AKAP13: variants seen among roughly 807,000 people sequenced by gnomAD.
The protein encoded by AKAP13 is A-kinase anchor protein 13.
A neutral mutation model predicts 264.5 loss-of-function variants in AKAP13; 80 were observed. The observed-to-expected ratio is 0.30, with a 90% confidence interval of 0.25 to 0.36. The LOEUF is 0.36. AKAP13 is among the 10% of genes least tolerant of loss of function. The probability of loss-of-function intolerance (pLI) is 1.00; values close to 1 mark genes in which losing one functional copy is unlikely to be tolerated. For missense variants in AKAP13, 3,712 were observed against 3,435.2 expected (o/e 1.08, Z -2.01); for synonymous variants, 1,380 against 1,250.2 (o/e 1.10, Z -2.19).
chr15:85,722,844 A>G (rs1308559717), intron 25 of AKAP13, among the ~76,000 whole-genome samples: 7 of 152,144 alleles, frequency 4.6e-5, no homozygotes, highest in African/African-American at 1.7e-4. Flanking sequence ...ATTTCAGAGC[A>G]CAACATATGA....
intron 5 of AKAP13, among the ~76,000 whole-genome samples, chr15:85,562,419 G>A (rs2078413907): frequency 6.6e-6 from 1 of 151,214 alleles, no homozygotes; most frequent in African/African-American, 2.4e-5. Context: ...ACAAAAATTA[G>A]CTGGGCGTGG....
intron 30 of AKAP13, 152 bp downstream of exon 30, chr15:85,730,859 A>C (rs952386035): frequency 8.2e-6 from 6 of 735,038 alleles, no homozygotes; most frequent in Non-Finnish European, 1.3e-5. Context: ...TATCAGGTGA[A>C]TATCCTTTTA....
At chr15:85,436,851 C>T (rs1482969316) in intron 1 of AKAP13, among the ~76,000 whole-genome samples, 1 of 151,718 alleles carries the variant, frequency 6.6e-6, no homozygotes, top group African/African-American at 2.4e-5. Context: ...ACTAAATGCC[C>T]ACAAGAGAAA....
intron 1 of AKAP13, among the ~76,000 whole-genome samples, chr15:85,413,502 GA>G (rs2072084152): frequency 1.3e-5 from 2 of 152,310 alleles, no homozygotes; most frequent in South Asian, 4.1e-4. Flanking sequence ...AGGAAGTGGG[GA>G]TGGAGTTGAA....
At chr15:85,592,105 C>T (rs2079608838) in intron 8 of AKAP13, among the ~76,000 whole-genome samples, 1 of 108,858 alleles carries the variant, frequency 9.2e-6, no homozygotes, top group Admixed American at 1.1e-4. Context: ...AACTGAATTT[C>T]CATTCTTAGT....
intron 8 of AKAP13, among the ~76,000 whole-genome samples, chr15:85,636,005 A>G (rs543373626): frequency 8.0e-4 from 122 of 152,268 alleles, no homozygotes; most frequent in African/African-American, 2.9e-3. Context: ...GTAGTGATCA[A>G]TTTGAGGACA....
intron 24 of AKAP13, 35 bp from the exon 25 acceptor site, chr15:85,722,195 A>T (rs1319491932): frequency 6.2e-7 from 1 of 1,608,988 alleles, no homozygotes; most frequent in Admixed American, 1.7e-5. Context: ...AGCCTTTTTC[A>T]TGTGATTCCT....
chr15:85,566,855 C>G (rs2078624309), intron 5 of AKAP13, among the ~76,000 whole-genome samples: 5 of 151,752 alleles, frequency 3.3e-5, no homozygotes, highest in African/African-American at 4.8e-5. Context: ...GTCTCAATCT[C>G]CTGACCTCGT....
rs2087667538 is a variant in AKAP13, at chr15:85,727,180, G to T, written c.6937G>T (p.Val2313Phe). Residue 2313 changes from valine to phenylalanine, a missense_variant, in exon 28 of 37, where the codon GTC becomes TTC. This residue lies in a region of AKAP13 where 342 missense variants were observed against 484.3 expected (regional missense o/e 0.71). Transcript: ENST00000394518. The surrounding 1 kb of genome is among the most constrained non-coding windows in gnomAD (Gnocchi z 5.3). ...GATGACAGATCCAGAGATGGTAGAA[G>T]TCCATGCCAGCTCCAAAGAGGAACG... The part of the protein sequence containing the change: ...MGMTDPEMVE[V>F]HASSKEERNS... 6 of 1,614,068 alleles carry T rather than the reference G, an allele frequency of 3.7e-6. No homozygotes were observed. Among genetic ancestry groups the T allele is most frequent in the Non-Finnish European group, 5.1e-6 (6 of 1,180,040 alleles).
chr15:85,399,533 A>T (rs2071315784), intron 1 of AKAP13, among the ~76,000 whole-genome samples: 2 of 83,456 alleles, frequency 2.4e-5, no homozygotes, highest in African/African-American at 7.2e-5. Context: ...TAAAAAAATA[A>T]AAAAATAAAT....
At chr15:85,665,229 C>G (rs942874668) in intron 13 of AKAP13, among the ~76,000 whole-genome samples, 3 of 152,052 alleles carry the variant, frequency 2.0e-5, no homozygotes, top group Non-Finnish European at 1.5e-5. Context: ...AAAATAAAGA[C>G]TACGTTAATC....
At position 85,538,721 on chromosome 15, in the gene AKAP13, C is replaced by T. The variant is rs1428146967; in HGVS notation, c.478+4841C>T. Among the ~76,000 whole-genome samples, 15 of 147,572 alleles carry T rather than the reference C, an allele frequency of 1.0e-4. No homozygotes were observed. The East Asian group carries it at 1.0e-3, about 10-fold the overall frequency. On this transcript the variant is annotated intron_variant, in intron 4 of 36. Transcript: ENST00000394518. ...AGCCAGGATGGTCTCGATCTCCTGA[C>T]CTCGTGATCCTCCCGCCTCGGCCTC...
At position 85,747,386 on chromosome 15, in the gene AKAP13, GGTT is replaced by G. The variant is rs1158762633; in HGVS notation, c.*2713_*2715del. 2.0e-5 allele frequency: 3 copies of G among 152,232 alleles called. No homozygotes were observed. Among genetic ancestry groups the G allele is most frequent in the Non-Finnish European group, 4.4e-5 (3 of 68,034 alleles). 9.4% of individuals were successfully genotyped at this position (152,232 alleles called of 1,614,324 possible). The stretch of plus-strand genomic sequence containing the variant: ...TCTTGGTTTCTATCACATGAGAAGG[GGTT>G]GTTTTTTTGGGGTGACTCGGACTGA... On this transcript the variant is annotated 3_prime_UTR_variant, in exon 37 of 37. Transcript: ENST00000394518.
intron 1 of AKAP13, among the ~76,000 whole-genome samples, chr15:85,485,084 A>G (rs769467279): frequency 6.6e-6 from 1 of 152,212 alleles, no homozygotes; most frequent in Non-Finnish European, 1.5e-5. Context: ...AGAACATGCT[A>G]TTCTTAATGT....
chr15:85,623,417 C>G (rs1055375509), intron 8 of AKAP13, among the ~76,000 whole-genome samples: 2 of 152,176 alleles, frequency 1.3e-5, no homozygotes, highest in African/African-American at 4.8e-5. Context: ...ACTCCAATCC[C>G]TCCCATTGAC....
At chr15:85,475,850 G>T (rs1360508150) in intron 1 of AKAP13, among the ~76,000 whole-genome samples, 1 of 152,174 alleles carries the variant, frequency 6.6e-6, no homozygotes, top group African/African-American at 2.4e-5. Flanking sequence ...GAATTTCTCT[G>T]TCTCTGATGT....
intron 1 of AKAP13, among the ~76,000 whole-genome samples, chr15:85,404,270 C>T (rs953358297): frequency 3.3e-5 from 5 of 152,212 alleles, no homozygotes; most frequent in Non-Finnish European, 7.4e-5. Flanking sequence ...TCAGTTTATT[C>T]TTCTTTTAGC....
At chr15:85,473,196 C>T (rs1053032269) in intron 1 of AKAP13, among the ~76,000 whole-genome samples, 1 of 151,950 alleles carries the variant, frequency 6.6e-6, no homozygotes, top group Admixed American at 6.6e-5. Flanking sequence ...TTTCAAGGTA[C>T]GGGGTCCTAA....
At chr15:85,556,755 T>A (rs2078162931) in intron 5 of AKAP13, among the ~76,000 whole-genome samples, 1 of 152,256 alleles carries the variant, frequency 6.6e-6, no homozygotes, top group Non-Finnish European at 1.5e-5. Context: ...CATTGCCTGA[T>A]GTTCTTGTTC....
Sources: gnomAD v4.1 joint callset for allele counts (sites outside exome capture counted in the v4.1 genomes callset) on GRCh38, gnomAD v4.1.1 for gene constraint, gnomAD v4.1.1 regional missense constraint, Gnocchi (gnomAD v3.1) non-coding constraint, MANE v1.5 for transcripts, NCBI Gene and HGNC (gene_info 2026-07-23, HGNC 2026-07-21) for gene names.